Variants in NUP153 observed in about 807,000 individuals in gnomAD.
The protein encoded by NUP153 is nucleoporin 153.
A neutral mutation model predicts 134.6 loss-of-function variants in NUP153; 27 were observed. The observed-to-expected ratio is 0.20, with a 90% CI of 0.15 to 0.28. NUP153 has a LOEUF of 0.28. Among genes scored for constraint, NUP153 ranks in the 10% least tolerant of loss-of-function variants. The pLI, the probability that NUP153 is intolerant of heterozygous loss-of-function variation, is 1.00. For synonymous variants in NUP153, 640 were observed against 623.5 expected (o/e 1.03, Z -0.40); for missense variants, 1,821 against 1,731.3 (o/e 1.05, Z -0.92).
In NUP153 at chr6:17,637,170, C is replaced by T. The variant is rs776567220; in HGVS notation, c.2447G>A (p.Cys816Tyr). ...AAACATACCTGGTTTCTCAGACATA[C>T]AGGACACACACTTATTGTCTTCTGC... The part of the protein sequence containing the change: ...NNAEDNKCVS[C>Y]MSEKPGSSVP... Residue 816 changes from cysteine to tyrosine, a missense_variant, in exon 16 of 22, where the codon TGT becomes TAT. Physicochemically the swap from Cys to Tyr is radical, Grantham distance 194. Coordinates refer to ENST00000262077, the MANE Select transcript of NUP153 (RefSeq NM_005124.4). 1 of 1,608,494 alleles carries T rather than the reference C, an allele frequency of 6.2e-7. No individual in the cohort carries two copies. Among genetic ancestry groups the T allele is most frequent in the Admixed American group, 1.7e-5 (1 of 59,882 alleles).
chr6:17,647,974 CATT>C, intron 12 of NUP153, 69 bp from the exon 13 acceptor site: 2 of 956,928 alleles, frequency 2.1e-6, no homozygotes, highest in South Asian at 2.8e-5. Context: ...ACAAAAAAGA[CATT>C]AAGCAAACTG....
chr6:17,627,732 CTGT>C (rs1260405392), intron 18 of NUP153, among the ~76,000 whole-genome samples: 1 of 152,190 alleles, frequency 6.6e-6, no homozygotes, highest in East Asian at 1.9e-4. Flanking sequence ...TTTAAGGGCA[CTGT>C]TGTTTTTAGC....
intron 11 of NUP153, among the ~76,000 whole-genome samples, chr6:17,652,845 GA>G (rs936396640): frequency 2.6e-5 from 4 of 152,104 alleles, no homozygotes; most frequent in Admixed American, 1.3e-4. Flanking sequence ...CCAACATGGT[GA>G]AACCCATCTC....
Position 17,628,781 on chromosome 6 carries a change from G to T in NUP153, c.3418C>A (p.Gln1140Lys), listed in dbSNP as rs1765077900. Residue 1140 changes from glutamine (Q) to lysine (K), a missense_variant, in exon 18 of 22, where the codon CAA (glutamine) becomes AAA (lysine). Physicochemically the swap from Gln to Lys is moderately conservative, Grantham distance 53 (BLOSUM62 1). Coordinates refer to ENST00000262077, the MANE Select transcript of NUP153 (RefSeq NM_005124.4). The surrounding 1 kb of genome is among the most constrained non-coding windows in gnomAD (Gnocchi z 5.4). ...TTTGAAGAATTCTCATCTTTGGTTT[G>T]CTCTGAATTCCCAAAGGAAAACACT... Reference protein sequence around the residue: ...QPVFSFGNSEQTKDENSSKST... With the variant: ...QPVFSFGNSEKTKDENSSKST... 1 of 1,613,958 alleles carries T rather than the reference G, an allele frequency of 6.2e-7. No homozygotes were observed. The highest frequency in any genetic ancestry group is 1.3e-5 in the African/African-American group (1 of 74,882).
chr6:17,687,400 G>C (rs1768998471), intron 2 of NUP153, among the ~76,000 whole-genome samples: 1 of 152,138 alleles, frequency 6.6e-6, no homozygotes, highest in East Asian at 1.9e-4. Context: ...AGATCTACCA[G>C]ATAAAACCTC....
At chr6:17,666,918 G>A (rs961785346) in intron 8 of NUP153, among the ~76,000 whole-genome samples, 14 of 152,244 alleles carry the variant, frequency 9.2e-5, no homozygotes, top group African/African-American at 2.4e-4. Flanking sequence ...AAACCTCTTC[G>A]CAAATGTGAC....
At chr6:17,616,282 T>TTG in intron 21 of NUP153, 101 bp from the exon 22 acceptor site, 3 of 332,086 alleles carry the variant, frequency 9.0e-6, no homozygotes, top group East Asian at 5.9e-5. Flanking sequence ...GGGGGTCGGG[T>TTG]GGGGGGGGAG....
At chr6:17,647,957 T>TAA in intron 12 of NUP153, 52 bp from the exon 13 acceptor site, 4 of 1,155,086 alleles carry the variant, frequency 3.5e-6, no homozygotes, top group Non-Finnish European at 5.2e-6. Flanking sequence ...TTTAGAAAAA[T>TAA]AAAGTGACAA....
At chr6:17,655,093 T>C (rs559973535) in intron 11 of NUP153, among the ~76,000 whole-genome samples, 1 of 152,354 alleles carries the variant, frequency 6.6e-6, no homozygotes, top group South Asian at 2.1e-4. Context: ...ATGTTTTGTA[T>C]ACTGCTACAT....
At chr6:17,665,825 C>T (rs906158250) in intron 8 of NUP153, among the ~76,000 whole-genome samples, 4 of 151,862 alleles carry the variant, frequency 2.6e-5, no homozygotes, top group Non-Finnish European at 4.4e-5. Flanking sequence ...CCTGTGTACA[C>T]AGGCGTGCGC....
intron 1 of NUP153, among the ~76,000 whole-genome samples, chr6:17,698,883 A>G (rs1561914385): frequency 6.6e-6 from 1 of 151,908 alleles, no homozygotes; most frequent in East Asian, 1.9e-4. Flanking sequence ...AAAAAAAAAA[A>G]GAAAACTCAA....
At chr6:17,624,427 T>C in intron 20 of NUP153, 134 bp downstream of exon 20, 2 of 799,398 alleles carry the variant, frequency 2.5e-6, no homozygotes, top group Non-Finnish European at 2.0e-6. Context: ...AATCCAACCA[T>C]ATTACCTCTC....
At chr6:17,653,936 C>G (rs1309898846) in intron 11 of NUP153, among the ~76,000 whole-genome samples, 2 of 152,148 alleles carry the variant, frequency 1.3e-5, no homozygotes, top group Non-Finnish European at 2.9e-5. Flanking sequence ...CTACTTCACG[C>G]TATGTATGCT....
intron 5 of NUP153, among the ~76,000 whole-genome samples, chr6:17,670,896 C>T (rs1474093876): frequency 2.6e-5 from 4 of 151,992 alleles, no homozygotes; most frequent in Admixed American, 1.3e-4. Flanking sequence ...CTGCAACCTC[C>T]GCCTCCCAGG....
chr6:17,673,957 T>C (rs535603313), intron 5 of NUP153, among the ~76,000 whole-genome samples: 1 of 152,334 alleles, frequency 6.6e-6, no homozygotes, highest in South Asian at 2.1e-4. Context: ...GTCTTTTCAC[T>C]GGTGAATAAT....
intron 11 of NUP153, among the ~76,000 whole-genome samples, chr6:17,661,420 A>C (rs767703980): frequency 5.3e-5 from 8 of 152,214 alleles, no homozygotes; most frequent in Admixed American, 1.3e-4. Context: ...AATAATTTCA[A>C]TTGCAATTCC....
intron 20 of NUP153, among the ~76,000 whole-genome samples, chr6:17,618,333 T>C (rs1764444536): frequency 6.6e-6 from 1 of 152,104 alleles, no homozygotes; most frequent in South Asian, 2.1e-4. Flanking sequence ...TTGAGGACAG[T>C]ATTTAATAAG....
At chr6:17,618,329 A>G (rs888601597) in intron 20 of NUP153, among the ~76,000 whole-genome samples, 1 of 152,202 alleles carries the variant, frequency 6.6e-6, no homozygotes, top group Non-Finnish European at 1.5e-5. Flanking sequence ...GCATTTGAGG[A>G]CAGTATTTAA....
At chr6:17,689,147 G>A (rs1240623722) in intron 1 of NUP153, among the ~76,000 whole-genome samples, 1 of 151,860 alleles carries the variant, frequency 6.6e-6, no homozygotes, top group Non-Finnish European at 1.5e-5. Flanking sequence ...GCACTTTGGG[G>A]GACTGAGGTG....
Sources: gnomAD v4.1 joint callset for allele counts (sites outside exome capture counted in the v4.1 genomes callset) on GRCh38, gnomAD v4.1.1 for gene constraint, Gnocchi (gnomAD v3.1) non-coding constraint, MANE v1.5 for transcripts, NCBI Gene and HGNC (gene_info 2026-07-23, HGNC 2026-07-21) for gene names.